Variants in SPDYE3 observed in about 807,000 individuals in gnomAD.
SPDYE3 encodes speedy/RINGO cell cycle regulator family member E3, also known as speedy protein E3.
SPDYE3 carries 15 observed loss-of-function variants against 55.0 expected under a neutral mutation model. The ratio of observed to expected loss-of-function variants is 0.27; its 90% CI spans 0.18 to 0.42. The LOEUF (loss-of-function observed/expected upper bound fraction) is 0.42, where lower values mean the gene tolerates loss of function less well. Among genes scored for constraint, SPDYE3 ranks in the 10% least tolerant of loss-of-function variants. The probability of loss-of-function intolerance (pLI) is 1.00; values close to 1 mark genes in which losing one functional copy is unlikely to be tolerated. For synonymous variants in SPDYE3, 89 were observed against 229.9 expected, an observed-to-expected ratio of 0.39 and a Z score of 5.55; for missense variants, 236 against 576.7, an observed-to-expected ratio of 0.41 and a Z score of 6.05.
Position 100,307,862 on chromosome 7 carries a change from A to G in SPDYE3, c.-24A>G, listed in dbSNP as rs1412544078. The G allele has an allele frequency of 6.4e-7, 1 of 1,562,166 alleles. No homozygotes were observed. Among genetic ancestry groups the G allele is most frequent in the Non-Finnish European group, 8.6e-7 (1 of 1,162,048 alleles). On this transcript the variant is annotated 5_prime_UTR_variant, in exon 1 of 11. Transcript: ENST00000332397. Reference sequence around the variant, plus strand: ...CAGAACAGAGACTAGCTTCGGTGAGATTGGACAGATTTTGGGAAAGATCAT... The same window carrying G: ...CAGAACAGAGACTAGCTTCGGTGAGGTTGGACAGATTTTGGGAAAGATCAT...
chr7:100,316,350 A>G (rs892758439), intron 7 of SPDYE3, among the ~76,000 whole-genome samples: 1 of 152,160 alleles, frequency 6.6e-6, no homozygotes. Context: ...AGGATGGAGT[A>G]CAGTGGCATG....
intron 3 of SPDYE3, among the ~76,000 whole-genome samples, chr7:100,311,542 G>A (rs1435931676): frequency 3.6e-5 from 5 of 138,572 alleles, no homozygotes; most frequent in Admixed American, 1.4e-4. Context: ...AGGATATGAC[G>A]CAGTGTTCTG....
At chr7:100,316,073 G>A (rs1450711131) in intron 7 of SPDYE3, among the ~76,000 whole-genome samples, 2 of 152,126 alleles carry the variant, frequency 1.3e-5, no homozygotes, top group Non-Finnish European at 2.9e-5. Flanking sequence ...CTGGGTTCAA[G>A]CGATTCTCCT....
intron 10 of SPDYE3, chr7:100,320,458 G>A (rs1006938086): frequency 1.5e-5 from 15 of 1,005,992 alleles, no homozygotes; most frequent in Admixed American, 4.8e-5. Flanking sequence ...ATGAGACTTC[G>A]TCATGAGGAG....
intron 6 of SPDYE3, 114 bp from the exon 7 acceptor site, chr7:100,315,671 C>T (rs1173353529): frequency 1.8e-5 from 28 of 1,542,426 alleles, no homozygotes; most frequent in African/African-American, 1.4e-4. Flanking sequence ...CCACCTCACC[C>T]GCGGCCACAA....
At chr7:100,309,742 G>GA (rs1805916602) in intron 2 of SPDYE3, among the ~76,000 whole-genome samples, 1 of 140,538 alleles carries the variant, frequency 7.1e-6, no homozygotes, top group Non-Finnish European at 1.6e-5. Flanking sequence ...AAAAAAAGAA[G>GA]AAAAAAAAGA....
chr7:100,321,794 GAATT>G lies in SPDYE3; in HGVS notation c.*951_*954del, dbSNP rs1789585544. On this transcript the variant is annotated 3_prime_UTR_variant, in exon 11 of 11. Coordinates refer to ENST00000332397, the MANE Select transcript of SPDYE3 (RefSeq NM_001004351.5). ...ATTTATTTCGAAAAAGATGGGCAAA[GAATT>G]ATTTAAATATTATTTTATTTATTTA... 3 of 147,712 alleles carry G rather than the reference GAATT, an allele frequency of 2.0e-5. No individual in the cohort carries two copies. The highest frequency in any genetic ancestry group is 2.1e-4 in the South Asian group (1 of 4,774). 9.2% of individuals were successfully genotyped at this position (147,712 alleles called of 1,614,324 possible).
In SPDYE3 at chr7:100,307,779, T is replaced by C; in HGVS notation, c.-107T>C. On this transcript the variant is annotated 5_prime_UTR_variant, in exon 1 of 11. Coordinates refer to ENST00000332397, the MANE Select transcript of SPDYE3 (RefSeq NM_001004351.5). ...TCTCCACTCCTGACTTCTCCCAGCC[T>C]CGAGAATTGATAACACACTCTTCTG... The C allele has an allele frequency of 7.0e-7, 1 of 1,432,600 alleles. No individual in the cohort carries two copies. The highest frequency in any genetic ancestry group is 2.5e-5 in the East Asian group (1 of 40,168). 88.7% of individuals were successfully genotyped at this position (1,432,600 alleles called of 1,614,324 possible).
At chr7:100,315,895 G>A (rs1328926100) in intron 7 of SPDYE3, 52 bp downstream of exon 7, 15 of 1,597,168 alleles carry the variant, frequency 9.4e-6, no homozygotes, top group Non-Finnish European at 1.3e-5. Flanking sequence ...ACGGCCAGGG[G>A]GAGGGCGCAG....
chr7:100,317,629 A>C (rs1209331715), intron 8 of SPDYE3, among the ~76,000 whole-genome samples: 3 of 151,148 alleles, frequency 2.0e-5, no homozygotes, highest in African/African-American at 7.3e-5. Flanking sequence ...AAAAAAAAAA[A>C]AACAGGCAAA....
In SPDYE3 at chr7:100,320,103, T is replaced by A. The variant is rs569856080; in HGVS notation, c.*45+68T>A. ...TATTTCGGAAATCCAAGGAACCCAA[T>A]TGCTTGATCTGGCTTCAAGCCTCGG... is the stretch of plus-strand genomic sequence containing the variant. On this transcript the variant is annotated intron_variant, in intron 10 of 10. Coordinates refer to ENST00000332397, the MANE Select transcript of SPDYE3 (RefSeq NM_001004351.5). The A allele has an allele frequency of 2.6e-6, 4 of 1,566,500 alleles. No homozygotes were observed. In the African/African-American group the frequency reaches 4.1e-5, roughly 16 times the overall value.
At chr7:100,308,088 G>A (rs554482394) in intron 1 of SPDYE3, 97 bp downstream of exon 1, 5 of 1,396,796 alleles carry the variant, frequency 3.6e-6, no homozygotes, top group South Asian at 1.3e-5. Context: ...CCAACACTTT[G>A]GGAGGCCGAG....
chr7:100,318,781 T>A (rs1789506025), intron 8 of SPDYE3, among the ~76,000 whole-genome samples: 1 of 149,930 alleles, frequency 6.7e-6, no homozygotes, highest in African/African-American at 2.5e-5. Context: ...AGTGCAGTGG[T>A]GAGATCATAG....
chr7:100,315,008 G>A lies in SPDYE3; in HGVS notation c.1201+258G>A, dbSNP rs1169847262. Among the ~76,000 whole-genome samples the A allele has an allele frequency of 1.3e-4, 19 of 146,656 alleles. No homozygotes were observed. The South Asian group carries it at 3.5e-3, about 27-fold the overall frequency. ...TGGCTCCCGCCTGAGATCCCAGCAC[G>A]TTGGGAGGCTGAGGCAAGAGAATTG... On this transcript the variant is annotated intron_variant, in intron 6 of 10. Transcript: ENST00000332397.
intron 4 of SPDYE3, among the ~76,000 whole-genome samples, chr7:100,312,826 A>AG (rs1362863271): frequency 1.4e-5 from 2 of 141,244 alleles, no homozygotes; most frequent in African/African-American, 2.6e-5. Flanking sequence ...CAGTCAGCTG[A>AG]GATTGCACCA....
chr7:100,310,222 A>G (rs1433419352), intron 2 of SPDYE3, 138 bp from the exon 3 acceptor site: 1 of 542,122 alleles, frequency 1.8e-6, no homozygotes, highest in Non-Finnish European at 3.3e-6. Context: ...TGAGCAGAGG[A>G]GAAAGTCAGA....
rs745701181 is a variant in SPDYE3 at position 100,319,640 on chromosome 7, C to G, written c.1422C>G (p.Thr474=). 6.2e-7 allele frequency: 1 copy of G among 1,614,204 alleles called. No homozygotes were observed. ...QKIFYFLYGK[T]HSHIPLRPKH... Reference sequence around the variant, plus strand: ...TCTTCTACTTCCTGTACGGGAAGACCCACTCTCACATACCCTTGCGCCCTA... The same window carrying G: ...TCTTCTACTTCCTGTACGGGAAGACGCACTCTCACATACCCTTGCGCCCTA... Residue 474 remains threonine, a synonymous_variant, in exon 9 of 11, where the codon ACC becomes ACG. Transcript: ENST00000332397.
In SPDYE3 at chr7:100,317,057, T is replaced by G; in HGVS notation, c.1261-13T>G. 1 of 1,585,592 alleles carries G rather than the reference T, an allele frequency of 6.3e-7. No homozygotes were observed. The highest frequency in any genetic ancestry group is 8.7e-7 in the Non-Finnish European group (1 of 1,155,944). Reference sequence around the variant, plus strand: ...GTGACCTCTCCCTCTCTGTGTTCCTTTCTCTCCATCAGTATCTCCTGGCTA... The same window carrying G: ...GTGACCTCTCCCTCTCTGTGTTCCTGTCTCTCCATCAGTATCTCCTGGCTA... On this transcript the variant is annotated splice_polypyrimidine_tract_variant and intron_variant, in intron 7 of 10. Transcript: ENST00000332397.
chr7:100,315,440 G>A (rs190042855), intron 6 of SPDYE3, among the ~76,000 whole-genome samples: 6,379 of 152,212 alleles, frequency 0.042, 464 homozygotes, highest in African/African-American at 0.15. Context: ...CAAGGCCATG[G>A]TCACACCCTG....
Sources: allele counts gnomAD v4.1 joint callset (sites outside exome capture counted in the v4.1 genomes callset), GRCh38; gene constraint gnomAD v4.1.1; transcripts MANE v1.5; gene names NCBI Gene and HGNC (gene_info 2026-07-23, HGNC 2026-07-21).